FHOD3: variants seen among roughly 807,000 people sequenced by gnomAD.
The protein encoded by FHOD3 is formin homology 2 domain containing 3, also known as FH1/FH2 domain-containing protein 3.
Under a neutral mutation model 173.0 loss-of-function variants are expected in FHOD3, and 90 were observed. The ratio of observed to expected loss-of-function variants is 0.52; its 90% CI spans 0.44 to 0.62. FHOD3 has a LOEUF of 0.62. FHOD3 is among the 20% of genes least tolerant of loss of function. The pLI is 0.00. For synonymous variants in FHOD3, 828 were observed against 823.0 expected (o/e 1.01, Z -0.10); for missense variants, 1,945 against 2,034.7 (o/e 0.96, Z 0.85).
chr18:36,743,032 C>T lies in FHOD3; in HGVS notation c.3879+176C>T, dbSNP rs1422361859. On this transcript the variant is annotated intron_variant, in intron 22 of 28. Coordinates refer to ENST00000590592, the MANE Select transcript of FHOD3 (RefSeq NM_001281740.3). ...GTTCTTAAGATATCAGGGCCTAGGC[C>T]GGGCGCGGTGGCTCACACCTGTAAT... Among the ~76,000 whole-genome samples, 9 of 152,146 alleles carry T rather than the reference C, an allele frequency of 5.9e-5. 2 individuals are homozygous for T. The highest frequency in any genetic ancestry group is 4.6e-4 in the Admixed American group (7 of 15,278).
chr18:36,485,980 C>T (rs144019156), intron 3 of FHOD3, among the ~76,000 whole-genome samples: 83 of 152,318 alleles, frequency 5.4e-4, no homozygotes, highest in African/African-American at 1.8e-3. Flanking sequence ...GACTAGGGCC[C>T]TCCTCTGTTC....
chr18:36,756,320 G>A (rs181949618), intron 25 of FHOD3, among the ~76,000 whole-genome samples: 1 of 152,242 alleles, frequency 6.6e-6, no homozygotes, highest in Non-Finnish European at 1.5e-5. Flanking sequence ...GGACTCTAGA[G>A]TGTGATTTTT....
At chr18:36,496,163 G>T (rs776637693) in intron 3 of FHOD3, among the ~76,000 whole-genome samples, 27 of 152,174 alleles carry the variant, frequency 1.8e-4, no homozygotes, top group African/African-American at 5.6e-4. Context: ...AGCAGATAAA[G>T]CTCCAGAGGA....
intron 19 of FHOD3, among the ~76,000 whole-genome samples, chr18:36,721,618 G>A (rs556079943): frequency 6.6e-6 from 1 of 152,276 alleles, no homozygotes; most frequent in African/African-American, 2.4e-5. Context: ...CTGCACTCCA[G>A]TCTGGGTGAC....
chr18:36,571,288 A>G (rs1269819399), intron 5 of FHOD3, among the ~76,000 whole-genome samples: 1 of 152,220 alleles, frequency 6.6e-6, no homozygotes, highest in Non-Finnish European at 1.5e-5. Context: ...AAGAATGTGA[A>G]CTACTTATAA....
chr18:36,616,162 G>C (rs962436331), intron 9 of FHOD3, among the ~76,000 whole-genome samples: 1 of 152,306 alleles, frequency 6.6e-6, no homozygotes, highest in East Asian at 1.9e-4. Flanking sequence ...AAGAGAGTTG[G>C]TTTAAATAAA....
At chr18:36,593,571 C>A (rs981644301) in intron 6 of FHOD3, among the ~76,000 whole-genome samples, 2 of 152,160 alleles carry the variant, frequency 1.3e-5, no homozygotes, top group Non-Finnish European at 2.9e-5. Flanking sequence ...CTACCCATGT[C>A]CCCTAACACT....
chr18:36,770,688 T>A (rs187965266), intron 28 of FHOD3, among the ~76,000 whole-genome samples: 8 of 152,308 alleles, frequency 5.3e-5, no homozygotes, highest in Admixed American at 3.3e-4. Flanking sequence ...CTTCTGGCCC[T>A]TGGTACACAC....
chr18:36,668,148 TTTC>T (rs2149290749), intron 14 of FHOD3, among the ~76,000 whole-genome samples: 1 of 152,302 alleles, frequency 6.6e-6, no homozygotes, highest in Admixed American at 6.5e-5. Flanking sequence ...AGACTGGAGC[TTTC>T]TTCAAGGGAA....
chr18:36,689,876 T>C (rs1275253678), intron 16 of FHOD3, among the ~76,000 whole-genome samples: 1 of 151,212 alleles, frequency 6.6e-6, no homozygotes, highest in Non-Finnish European at 1.5e-5. Flanking sequence ...TAAGAAAGGG[T>C]TCTGAGCCTT....
chr18:36,684,487 G>A (rs2038469733), intron 15 of FHOD3, among the ~76,000 whole-genome samples: 1 of 151,492 alleles, frequency 6.6e-6, no homozygotes, highest in African/African-American at 2.4e-5. Flanking sequence ...ATGAAAAGAT[G>A]TCTCTGTAAA....
In FHOD3 at chr18:36,755,330, C is replaced by T. The variant is rs1030881909; in HGVS notation, c.4425+19C>T. The T allele has an allele frequency of 2.6e-6, 4 of 1,528,834 alleles. No homozygotes were observed. In the African/African-American group the frequency reaches 5.5e-5, roughly 21 times the overall value. 94.7% of individuals were successfully genotyped at this position (1,528,834 alleles called of 1,614,324 possible). A position where few individuals can be genotyped will look rare whatever the true frequency, so the allele number is the denominator to read the frequency against. ...CACCGATGTAAGTTTCACACAATCC[C>T]TCTCCTTATGTCATTCGTTTTCAAA... is the stretch of plus-strand genomic sequence containing the variant. On this transcript the variant is annotated intron_variant, in intron 25 of 28. Transcript: ENST00000590592.
At chr18:36,444,354 A>G (rs1312608740) in intron 3 of FHOD3, among the ~76,000 whole-genome samples, 1 of 152,046 alleles carries the variant, frequency 6.6e-6, no homozygotes, top group African/African-American at 2.4e-5. Flanking sequence ...CACAAAATGG[A>G]GTATGTTACT....
At chr18:36,515,277 G>A (rs2055904677) in intron 5 of FHOD3, among the ~76,000 whole-genome samples, 1 of 152,118 alleles carries the variant, frequency 6.6e-6, no homozygotes, top group Non-Finnish European at 1.5e-5. Context: ...GAGTACAGTG[G>A]TGCCATCTGG....
At chr18:36,582,689 C>T in intron 6 of FHOD3, among the ~76,000 whole-genome samples, 1 of 152,204 alleles carries the variant, frequency 6.6e-6, no homozygotes, top group Middle Eastern at 3.2e-3. Flanking sequence ...TTTTCAGCTC[C>T]TCATCATACT....
intron 1 of FHOD3, among the ~76,000 whole-genome samples, chr18:36,314,181 T>C (rs2092314890): frequency 6.6e-6 from 1 of 152,262 alleles, no homozygotes; most frequent in Admixed American, 6.5e-5. Context: ...AGCCCTGTTA[T>C]GGATGAATTG....
chr18:36,451,830 G>T (rs189944571), intron 3 of FHOD3, among the ~76,000 whole-genome samples: 2 of 152,190 alleles, frequency 1.3e-5, no homozygotes, highest in African/African-American at 4.8e-5. Context: ...TCATGTCATG[G>T]ATACAGAATG....
intron 3 of FHOD3, among the ~76,000 whole-genome samples, chr18:36,482,858 C>CACACACACACAGAGAGAGAGAG (rs1400178557): frequency 7.7e-6 from 1 of 130,454 alleles, no homozygotes; most frequent in African/African-American, 3.1e-5. Context: ...CACACACACA[C>CACACACACACAGAGAGAGAGAG]AGAGAGAGAG....
intron 28 of FHOD3, among the ~76,000 whole-genome samples, chr18:36,773,143 G>C (rs767106533): frequency 1.3e-5 from 2 of 152,208 alleles, no homozygotes; most frequent in African/African-American, 2.4e-5. Context: ...GGGTTAGAGA[G>C]GCAGATGCAA....
Sources: allele counts gnomAD v4.1 joint callset (sites outside exome capture counted in the v4.1 genomes callset), GRCh38; gene constraint gnomAD v4.1.1; transcripts MANE v1.5; gene names NCBI Gene and HGNC (gene_info 2026-07-23, HGNC 2026-07-21).